The following ROBO1 variants were observed in gnomAD, a reference collection of about 807,000 sequenced individuals.
ROBO1 encodes the protein roundabout guidance receptor 1.
A neutral mutation model predicts 195.9 loss-of-function variants in ROBO1; 149 were observed. That is an observed-to-expected ratio of 0.76 (90% confidence interval 0.67 to 0.87). The LOEUF (loss-of-function observed/expected upper bound fraction) is 0.87. ROBO1 is among the 40% of genes least tolerant of loss of function. ROBO1 has a pLI of 0.00. For missense variants in ROBO1, 1,933 were observed against 2,068.3 expected, an observed-to-expected ratio of 0.93 and a Z score of 1.27; for synonymous variants, 816 against 733.2, an observed-to-expected ratio of 1.11 and a Z score of -1.82.
chr3:78,696,985 T>C (rs1316153911), intron 8 of ROBO1, among the ~76,000 whole-genome samples: 1 of 151,748 alleles, frequency 6.6e-6, no homozygotes, highest in Non-Finnish European at 1.5e-5. Flanking sequence ...TCCATCTTTT[T>C]TGAAACATCA....
intron 4 of ROBO1, among the ~76,000 whole-genome samples, chr3:78,863,008 T>C (rs1265307285): frequency 2.0e-5 from 3 of 152,210 alleles, no homozygotes; most frequent in African/African-American, 7.2e-5. Flanking sequence ...AAGATCCAGT[T>C]TTCAGAAGAA....
chr3:79,760,075 A>G (rs1329811051), intron 1 of ROBO1, among the ~76,000 whole-genome samples: 1 of 151,594 alleles, frequency 6.6e-6, no homozygotes, highest in Admixed American at 6.6e-5. Flanking sequence ...TATCTCTACT[A>G]AAAATACAAA....
intron 2 of ROBO1, among the ~76,000 whole-genome samples, chr3:79,260,996 T>C (rs1481202903): frequency 2.0e-5 from 3 of 152,128 alleles, no homozygotes; most frequent in Non-Finnish European, 4.4e-5. Flanking sequence ...CTATTCACAA[T>C]ACTTGTACAT....
At chr3:78,861,887 G>C (rs1253046397) in intron 4 of ROBO1, among the ~76,000 whole-genome samples, 1 of 152,152 alleles carries the variant, frequency 6.6e-6, no homozygotes, top group Non-Finnish European at 1.5e-5. Flanking sequence ...TGAGAAAAGG[G>C]AACAGGGAAA....
chr3:78,626,667 G>C (rs1474416552), intron 26 of ROBO1, among the ~76,000 whole-genome samples: 1 of 152,080 alleles, frequency 6.6e-6, no homozygotes, highest in East Asian at 1.9e-4. Flanking sequence ...GAAATGCGAA[G>C]TGAAGCCATT....
Position 78,659,797 on chromosome 3 carries a change from G to A in ROBO1, c.2331C>T (p.Ala777=), listed in dbSNP as rs1340625272. ...FAKTLEEAPS[A]PPQGVTVSKN... ...TGGATACAGTTACACCTTGGGGTGGGGCACTGGGTGCTATTAAATTGTTTT... is the reference window on the plus strand; with the variant it reads ...TGGATACAGTTACACCTTGGGGTGGAGCACTGGGTGCTATTAAATTGTTTT... Residue 777 remains alanine, a synonymous_variant, in exon 17 of 31, where the codon GCC becomes GCT. Transcript: ENST00000464233. 5.0e-6 allele frequency: 8 copies of A among 1,603,374 alleles called. No homozygotes were observed. The highest frequency in any genetic ancestry group is 6.8e-6 in the Non-Finnish European group (8 of 1,174,942).
intron 4 of ROBO1, among the ~76,000 whole-genome samples, chr3:78,905,987 T>C (rs1253373289): frequency 1.3e-5 from 2 of 152,138 alleles, no homozygotes; most frequent in African/African-American, 2.4e-5. Context: ...TGAGGTATGA[T>C]GGTAGAGCAT....
intron 8 of ROBO1, among the ~76,000 whole-genome samples, chr3:78,711,938 C>T (rs555441506): frequency 2.9e-5 from 4 of 139,418 alleles, no homozygotes; most frequent in Non-Finnish European, 4.6e-5. Context: ...GCCACGGAAA[C>T]CCCTAGAGTC....
At chr3:78,771,204 G>A (rs2083366142) in intron 4 of ROBO1, among the ~76,000 whole-genome samples, 2 of 152,178 alleles carry the variant, frequency 1.3e-5, no homozygotes, top group Admixed American at 6.5e-5. Flanking sequence ...TTAGATGGCT[G>A]TAGGTGCACG....
chr3:79,227,285 C>A (rs1371914069), intron 2 of ROBO1, among the ~76,000 whole-genome samples: 1 of 152,106 alleles, frequency 6.6e-6, no homozygotes, highest in Non-Finnish European at 1.5e-5. Context: ...GGGAGTTATT[C>A]AAAGCTCAGA....
chr3:78,643,105 A>G (rs927107394), intron 21 of ROBO1, among the ~76,000 whole-genome samples: 5 of 152,052 alleles, frequency 3.3e-5, no homozygotes, highest in African/African-American at 1.2e-4. Context: ...AGGAACTCAC[A>G]CTCTCTTGTC....
intron 2 of ROBO1, among the ~76,000 whole-genome samples, chr3:79,482,808 A>C (rs75911900): frequency 1.3e-5 from 2 of 152,156 alleles, no homozygotes; most frequent in African/African-American, 4.8e-5. Context: ...GAAACCTCAA[A>C]ATAAAGATAG....
At chr3:79,332,747 A>T (rs1305712115) in intron 2 of ROBO1, among the ~76,000 whole-genome samples, 1 of 152,324 alleles carries the variant, frequency 6.6e-6, no homozygotes, top group East Asian at 1.9e-4. Context: ...GATAATAAAG[A>T]AAATTGCTGC....
At chr3:79,093,640 T>A (rs1001954991) in intron 3 of ROBO1, among the ~76,000 whole-genome samples, 21 of 152,190 alleles carry the variant, frequency 1.4e-4, no homozygotes, top group Non-Finnish European at 2.5e-4. Flanking sequence ...CAGGATGACA[T>A]CCCTGGTTAT....
At chr3:79,293,623 A>AG (rs1222880013) in intron 2 of ROBO1, among the ~76,000 whole-genome samples, 2 of 152,190 alleles carry the variant, frequency 1.3e-5, no homozygotes, top group African/African-American at 4.8e-5. Context: ...TCAAGGAAAT[A>AG]GCAGAGGACA....
chr3:78,793,899 G>A (rs1299445100), intron 4 of ROBO1, among the ~76,000 whole-genome samples: 1 of 151,866 alleles, frequency 6.6e-6, no homozygotes, highest in Non-Finnish European at 1.5e-5. Context: ...CTTCAAAGAA[G>A]CACTGAATTA....
At chr3:79,557,743 A>AAAT (rs1472319919) in intron 2 of ROBO1, among the ~76,000 whole-genome samples, 34 of 130,814 alleles carry the variant, frequency 2.6e-4, no homozygotes, top group South Asian at 9.7e-4. Flanking sequence ...AACAAAAAAA[A>AAAT]ATATATATAT....
chr3:79,551,773 T>C lies in ROBO1; in HGVS notation c.88+38051A>G, dbSNP rs560908571. Among the ~76,000 whole-genome samples, 182 of 151,840 alleles carry C rather than the reference T, an allele frequency of 1.2e-3. 1 individual carries two copies. Among genetic ancestry groups the C allele is most frequent in the Non-Finnish European group, 2.1e-3 (143 of 67,930 alleles). Reference sequence around the variant, plus strand: ...GACAAAGTAAATGTAGAATTTTATGTGAACAGGGAGAAAAAGGACCTTTCA... The same window carrying C: ...GACAAAGTAAATGTAGAATTTTATGCGAACAGGGAGAAAAAGGACCTTTCA... On this transcript the variant is annotated intron_variant, in intron 2 of 30. Transcript: ENST00000464233.
At position 79,760,236 on chromosome 3, in the gene ROBO1, C is replaced by CAAAAAAAAAAAAA. The variant is rs11451206; in HGVS notation, c.-51+7503_-51+7515dup. Among the ~76,000 whole-genome samples, 18 of 4,510 alleles carry CAAAAAAAAAAAAA rather than the reference C, an allele frequency of 4.0e-3. 6 individuals carry two copies. The highest frequency in any genetic ancestry group is 0.017 in the Admixed American group (4 of 234). 3.0% of individuals were successfully genotyped at this position (4,510 alleles called of 152,430 possible). The stretch of plus-strand genomic sequence containing the variant: ...TGGGTGAGACAGTGAGACCCTATCT[C>CAAAAAAAAAAAAA]AAAAAAAAAAAAAAAAAAAAAAAAA... On this transcript the variant is annotated intron_variant, in intron 1 of 30. Transcript: ENST00000464233.
Sources: gnomAD v4.1 joint callset for allele counts (sites outside exome capture counted in the v4.1 genomes callset) on GRCh38, gnomAD v4.1.1 for gene constraint, MANE v1.5 for transcripts, NCBI Gene and HGNC (gene_info 2026-07-23, HGNC 2026-07-21) for gene names.